Variants in C18orf54 observed in about 807,000 individuals in gnomAD.
C18orf54 encodes the protein chromosome 18 open reading frame 54, also known as lung adenoma susceptibility protein 2.
C18orf54 carries 49 observed loss-of-function variants against 49.3 expected under a neutral mutation model. The ratio of observed to expected loss-of-function variants is 0.99; its 90% CI spans 0.79 to 1.26. The LOEUF (loss-of-function observed/expected upper bound fraction) is 1.26. C18orf54 is among the 50% of genes most tolerant of loss of function. C18orf54 has a pLI of 0.00. For missense variants in C18orf54, 687 were observed against 620.6 expected, an observed-to-expected ratio of 1.11 and a Z score of -1.14; for synonymous variants, 211 against 216.6, an observed-to-expected ratio of 0.97 and a Z score of 0.23.
chr18:54,365,603 A>T, intron 5 of C18orf54, 116 bp from the exon 6 acceptor site: 1 of 551,088 alleles, frequency 1.8e-6, no homozygotes, highest in East Asian at 2.8e-5. Context: ...CATATCCATG[A>T]TGATTATTTC....
At chr18:54,375,154 C>A (rs931225395) in intron 8 of C18orf54, among the ~76,000 whole-genome samples, 3 of 151,866 alleles carry the variant, frequency 2.0e-5, no homozygotes, top group African/African-American at 7.2e-5. Context: ...ATGTTTCATA[C>A]CTAATAGAAT....
Position 54,381,483 on chromosome 18 carries a change from G to T in C18orf54, c.*3237G>T, listed in dbSNP as rs1310060241. On this transcript the variant is annotated 3_prime_UTR_variant, in exon 9 of 9. Transcript: ENST00000620105. ...ACAGAAGCCAGAGTGACTGGTCTTG[G>T]CAAGACTCTGTTGTGTATCACCACT... The T allele has an allele frequency of 6.6e-6, 1 of 152,094 alleles. No individual in the cohort carries two copies. The highest frequency in any genetic ancestry group is 2.4e-5 in the African/African-American group (1 of 41,420). 9.4% of individuals were successfully genotyped at this position (152,094 alleles called of 1,614,324 possible). A position where few individuals can be genotyped will look rare whatever the true frequency, so the allele number is the denominator to read the frequency against.
intron 8 of C18orf54, among the ~76,000 whole-genome samples, chr18:54,377,033 A>G (rs942805482): frequency 1.3e-5 from 2 of 151,316 alleles, no homozygotes; most frequent in African/African-American, 4.9e-5. Flanking sequence ...TTTAAATTTA[A>G]TTTTGTTTTT....
At chr18:54,377,668 T>C (rs1216578631) in intron 8 of C18orf54, among the ~76,000 whole-genome samples, 1 of 152,162 alleles carries the variant, frequency 6.6e-6, no homozygotes, top group Non-Finnish European at 1.5e-5. Context: ...GTTGGCAGCT[T>C]CCCCTATGAT....
chr18:54,365,673 A>G, intron 5 of C18orf54, 46 bp from the exon 6 acceptor site: 1 of 1,137,502 alleles, frequency 8.8e-7, no homozygotes, highest in Non-Finnish European at 1.3e-6. Context: ...ACTTTTTAGA[A>G]ATTGGGAACT....
chr18:54,374,683 A>G (rs1327744577), intron 8 of C18orf54, among the ~76,000 whole-genome samples: 1 of 151,896 alleles, frequency 6.6e-6, no homozygotes, highest in Non-Finnish European at 1.5e-5. Flanking sequence ...AATCTAAAGT[A>G]GATATAATGA....
chr18:54,365,726 C>A lies in C18orf54; in HGVS notation c.1231C>A (p.Pro411Thr). 1 of 1,585,180 alleles carries A rather than the reference C, an allele frequency of 6.3e-7. No homozygotes were observed. Among genetic ancestry groups the A allele is most frequent in the Non-Finnish European group, 8.6e-7 (1 of 1,160,236 alleles). Residue 411 changes from proline (P) to threonine (T), a missense_variant, in exon 6 of 9, where the codon CCT (proline) becomes ACT (threonine). By Grantham distance (38) the Pro-to-Thr change is conservative. Transcript: ENST00000620105. ...CCTTTAAATCCTGTTTAGCAAATCT[C>A]CTGTTCCCGTTAACTCTGATGATAG... Reference protein sequence around the residue: ...WENIPVTFKSPVPVNSDDSPQ... With the variant: ...WENIPVTFKSTVPVNSDDSPQ...
chr18:54,374,781 G>T (rs2089543142), intron 8 of C18orf54, among the ~76,000 whole-genome samples: 1 of 151,902 alleles, frequency 6.6e-6, no homozygotes, highest in Non-Finnish European at 1.5e-5. Context: ...CTATAGTCAT[G>T]ATATTGACAG....
In C18orf54 at chr18:54,358,841, A is replaced by C. The variant is rs545072352; in HGVS notation, c.-76A>C. On this transcript the variant is annotated 5_prime_UTR_variant, in exon 2 of 9. Coordinates refer to ENST00000620105, the MANE Select transcript of C18orf54 (RefSeq NM_001288980.2). ...CCGCGTGATGGATTTTCTTTTGGAG[A>C]TTCGAACTGAAGCCTGTACGGAGGA... 1 of 152,300 alleles carries C rather than the reference A, an allele frequency of 6.6e-6. No homozygotes were observed. Among genetic ancestry groups the C allele is most frequent in the South Asian group, 2.1e-4 (1 of 4,828 alleles). 9.4% of individuals were successfully genotyped at this position (152,300 alleles called of 1,614,324 possible). A position where few individuals can be genotyped will look rare whatever the true frequency, so the allele number is the denominator to read the frequency against.
At chr18:54,363,286 C>T (rs2089309003) in intron 5 of C18orf54, among the ~76,000 whole-genome samples, 1 of 152,080 alleles carries the variant, frequency 6.6e-6, no homozygotes, top group Non-Finnish European at 1.5e-5. Context: ...TCTATAGTCT[C>T]TCCATATAAT....
rs1343703734 is a variant in C18orf54 at position 54,360,237 on chromosome 18, AAGAAG to A, written c.-46-289_-46-285del. Among the ~76,000 whole-genome samples the A allele has an allele frequency of 3.3e-5, 5 of 152,304 alleles. No individual in the cohort carries two copies. The East Asian group carries it at 7.7e-4, about 23-fold the overall frequency. On this transcript the variant is annotated intron_variant, in intron 2 of 8. Coordinates refer to ENST00000620105, the MANE Select transcript of C18orf54 (RefSeq NM_001288980.2). ...TCATAAGTAGTTTTTAGGACTTTTT[AAGAAG>A]TGAGTACTCTCTCCTTGGTATTTTC...
At chr18:54,368,850 T>G (rs901408820) in intron 6 of C18orf54, among the ~76,000 whole-genome samples, 1 of 152,212 alleles carries the variant, frequency 6.6e-6, no homozygotes, top group Non-Finnish European at 1.5e-5. Flanking sequence ...TAGCAAATTA[T>G]ATTAGTACAG....
chr18:54,365,700 T>C lies in C18orf54; in HGVS notation c.1224-19T>C. 6.9e-7 allele frequency: 1 copy of C among 1,456,450 alleles called. No homozygotes were observed. Among genetic ancestry groups the C allele is most frequent in the Non-Finnish European group, 9.5e-7 (1 of 1,052,588 alleles). The allele number at this position is 1,456,450 out of a possible 1,614,324, so 90.2% of individuals were successfully genotyped here. ...TTGGGAACTTAATTGCTATCTTGCA[T>C]CCTTTAAATCCTGTTTAGCAAATCT... On this transcript the variant is annotated intron_variant, in intron 5 of 8. Transcript: ENST00000620105.
chr18:54,366,923 GTC>G (rs2144732914), intron 6 of C18orf54, among the ~76,000 whole-genome samples: 1 of 152,080 alleles, frequency 6.6e-6, no homozygotes, highest in African/African-American at 2.4e-5. Flanking sequence ...GACCTTCTTT[GTC>G]TCTTTCTACA....
At chr18:54,367,646 A>C (rs967874350) in intron 6 of C18orf54, among the ~76,000 whole-genome samples, 1 of 152,070 alleles carries the variant, frequency 6.6e-6, no homozygotes, top group African/African-American at 2.4e-5. Flanking sequence ...TGTTTTTAGA[A>C]TTGCCTTTGC....
At chr18:54,358,450 T>A (rs923534087) in intron 1 of C18orf54, 15 of 152,444 alleles carry the variant, frequency 9.8e-5, no homozygotes, top group African/African-American at 2.9e-4. Flanking sequence ...GAATAAATGG[T>A]TTCGGAGTGA....
At chr18:54,359,243 G>A (rs762284552) in intron 2 of C18orf54, among the ~76,000 whole-genome samples, 3 of 152,130 alleles carry the variant, frequency 2.0e-5, no homozygotes, top group Non-Finnish European at 2.9e-5. Flanking sequence ...AAAACATTTG[G>A]TCAGGCTTAT....
At chr18:54,374,414 A>T (rs912838996) in intron 8 of C18orf54, 130 bp downstream of exon 8, 1 of 736,126 alleles carries the variant, frequency 1.4e-6, no homozygotes, top group Non-Finnish European at 1.8e-6. Context: ...CTTGGAGCAC[A>T]CTGTTTACAC....
chr18:54,378,128 G>A (rs3753057), intron 8 of C18orf54, 46 bp from the exon 9 acceptor site: 355,947 of 1,482,586 alleles, frequency 0.24, 44,923 homozygotes, highest in East Asian at 0.27. Flanking sequence ...TGGCTATTCA[G>A]TTCTTAATAA....
Sources: allele counts gnomAD v4.1 joint callset (sites outside exome capture counted in the v4.1 genomes callset), GRCh38; gene constraint gnomAD v4.1.1; transcripts MANE v1.5; gene names NCBI Gene and HGNC (gene_info 2026-07-23, HGNC 2026-07-21).